The following HTR1E variants were observed in gnomAD, a reference collection of about 807,000 sequenced individuals.
HTR1E encodes the protein 5-HT-1E.
In HTR1E, 3 loss-of-function variants were observed where a neutral mutation model predicts 3.4. The observed-to-expected ratio is 0.89, with a 90% CI of 0.41 to 2.31. The LOEUF (loss-of-function observed/expected upper bound fraction) is 2.31, where lower values mean the gene tolerates loss of function less well. Ranked by LOEUF, HTR1E falls within the 30% of genes most tolerant of loss-of-function variation. The pLI, the probability that HTR1E is intolerant of heterozygous loss-of-function variation, is 0.05. For synonymous variants in HTR1E, 170 were observed against 182.8 expected (o/e 0.93, Z 0.56); for missense variants, 392 against 467.0 (o/e 0.84, Z 1.48).
chr6:86,979,389 A>G (rs899983750), intron 1 of HTR1E, among the ~76,000 whole-genome samples: 1 of 152,240 alleles, frequency 6.6e-6, no homozygotes, highest in Non-Finnish European at 1.5e-5. Context: ...ATGACTCAAA[A>G]ACTATTTCTG....
At chr6:86,964,890 CAT>C (rs1006016009) in intron 1 of HTR1E, among the ~76,000 whole-genome samples, 2 of 152,070 alleles carry the variant, frequency 1.3e-5, no homozygotes, top group African/African-American at 2.4e-5. Flanking sequence ...AATGAAACAA[CAT>C]AGTACTAGTA....
intron 1 of HTR1E, among the ~76,000 whole-genome samples, chr6:86,999,313 CAAAT>C (rs982624380): frequency 6.6e-6 from 1 of 151,632 alleles, no homozygotes; most frequent in African/African-American, 2.4e-5. Flanking sequence ...TAAGATATAC[CAAAT>C]AAACTATACA....
At chr6:86,967,623 G>A (rs957104027) in intron 1 of HTR1E, among the ~76,000 whole-genome samples, 2 of 152,116 alleles carry the variant, frequency 1.3e-5, no homozygotes, top group African/African-American at 4.8e-5. Flanking sequence ...ATGCGAAAGA[G>A]AGGAAAGCTT....
intron 1 of HTR1E, among the ~76,000 whole-genome samples, chr6:87,006,853 T>G (rs1234599712): frequency 1.3e-5 from 2 of 152,242 alleles, no homozygotes; most frequent in Non-Finnish European, 2.9e-5. Context: ...TGCTCTCACT[T>G]ATAAGTGGTA....
chr6:86,958,543 G>A (rs1418427985), intron 1 of HTR1E, among the ~76,000 whole-genome samples: 4 of 152,164 alleles, frequency 2.6e-5, no homozygotes, highest in South Asian at 2.1e-4. Flanking sequence ...ATGAGGGCAG[G>A]AGTCTCATCA....
intron 1 of HTR1E, among the ~76,000 whole-genome samples, chr6:86,996,516 A>G (rs1582277673): frequency 6.6e-6 from 1 of 152,128 alleles, no homozygotes; most frequent in Admixed American, 6.6e-5. Context: ...CAAATTATTG[A>G]TATCAGTAAT....
intron 1 of HTR1E, among the ~76,000 whole-genome samples, chr6:87,010,636 C>A (rs867201099): frequency 1.4e-5 from 2 of 146,350 alleles, no homozygotes; most frequent in Non-Finnish European, 3.0e-5. Flanking sequence ...GGATGGCGGC[C>A]GGGCGGAGAC....
At chr6:86,971,109 G>A (rs1047113157) in intron 1 of HTR1E, 2 of 510,428 alleles carry the variant, frequency 3.9e-6, no homozygotes, top group Admixed American at 4.0e-5. Flanking sequence ...GAGGAATGAA[G>A]AAAAGACCAC....
At chr6:86,954,189 C>T (rs1767290241) in intron 1 of HTR1E, among the ~76,000 whole-genome samples, 1 of 152,110 alleles carries the variant, frequency 6.6e-6, no homozygotes, top group Non-Finnish European at 1.5e-5. Flanking sequence ...AGCCAGACAC[C>T]ACAAGGGGCT....
chr6:86,979,730 G>A (rs1353246060), intron 1 of HTR1E, among the ~76,000 whole-genome samples: 2 of 152,184 alleles, frequency 1.3e-5, no homozygotes, highest in African/African-American at 4.8e-5. Flanking sequence ...GGTAATTGAA[G>A]AGATTTTAAT....
intron 1 of HTR1E, among the ~76,000 whole-genome samples, chr6:87,014,645 T>C (rs1768289713): frequency 6.6e-6 from 1 of 152,344 alleles, no homozygotes; most frequent in South Asian, 2.1e-4. Flanking sequence ...GATGAGTTCA[T>C]GTCCTTTGCA....
rs1185473879 is a variant in HTR1E at position 86,972,686 on chromosome 6, TTATAA to T, written c.-186+34870_-186+34874del. Among the ~76,000 whole-genome samples the T allele has an allele frequency of 5.9e-5, 9 of 152,190 alleles. No homozygotes were observed. The East Asian group carries it at 1.2e-3, about 20-fold the overall frequency. ...ATTATTTCATAGCCAAACAAGCTAA[TTATAA>T]TATAATTGTTTTTAAGTCTTAAAAA... On this transcript the variant is annotated intron_variant, in intron 1 of 1. Coordinates refer to ENST00000305344, the MANE Select transcript of HTR1E (RefSeq NM_000865.3).
At chr6:86,958,983 T>C (rs1582260805) in intron 1 of HTR1E, among the ~76,000 whole-genome samples, 3 of 137,698 alleles carry the variant, frequency 2.2e-5, no homozygotes, top group African/African-American at 5.3e-5. Context: ...TGTGTGTGTG[T>C]ACAGAAAGAG....
chr6:87,009,825 C>CA (rs1562074143), intron 1 of HTR1E, among the ~76,000 whole-genome samples: 10 of 111,600 alleles, frequency 9.0e-5, no homozygotes, highest in Middle Eastern at 5.7e-3. Flanking sequence ...GCTGGCCGGG[C>CA]GGGGGGACTG....
intron 1 of HTR1E, among the ~76,000 whole-genome samples, chr6:86,978,699 G>A (rs914947730): frequency 2.6e-5 from 4 of 152,176 alleles, no homozygotes; most frequent in African/African-American, 9.7e-5. Flanking sequence ...AACTGAAATT[G>A]CAAGCAGACA....
intron 1 of HTR1E, among the ~76,000 whole-genome samples, chr6:86,969,627 T>C (rs1182908400): frequency 6.6e-6 from 1 of 152,238 alleles, no homozygotes; most frequent in Non-Finnish European, 1.5e-5. Context: ...GTGGACATTT[T>C]TCTTCACTCC....
At chr6:86,955,412 G>A (rs935274689) in intron 1 of HTR1E, among the ~76,000 whole-genome samples, 1 of 152,218 alleles carries the variant, frequency 6.6e-6, no homozygotes, top group Non-Finnish European at 1.5e-5. Context: ...ATACTTGATA[G>A]TGAGATAAAG....
At chr6:86,941,187 A>G (rs1768540249) in intron 1 of HTR1E, among the ~76,000 whole-genome samples, 1 of 152,210 alleles carries the variant, frequency 6.6e-6, no homozygotes, top group East Asian at 1.9e-4. Context: ...TGATGAAAGG[A>G]CTTTCATCAA....
chr6:86,988,537 G>T (rs2127827182), intron 1 of HTR1E, among the ~76,000 whole-genome samples: 1 of 152,246 alleles, frequency 6.6e-6, no homozygotes, highest in East Asian at 1.9e-4. Context: ...GCAGTGGGTT[G>T]CATTACAGTT....
Sources: allele counts gnomAD v4.1 joint callset (sites outside exome capture counted in the v4.1 genomes callset), GRCh38; gene constraint gnomAD v4.1.1; transcripts MANE v1.5; gene names NCBI Gene and HGNC (gene_info 2026-07-23, HGNC 2026-07-21).